Variants in NFIA observed in about 807,000 individuals in gnomAD.
NFIA encodes the protein nuclear factor 1 A-type.
NFIA carries 8 observed loss-of-function variants against 62.8 expected under a neutral mutation model. The observed-to-expected ratio is 0.13, with a 90% CI of 0.07 to 0.23. The LOEUF (loss-of-function observed/expected upper bound fraction) is 0.23. Ranked by LOEUF, NFIA falls within the 10% of genes least tolerant of loss-of-function variation. The pLI, the probability that NFIA is intolerant of heterozygous loss-of-function variation, is 1.00. For missense variants in NFIA, 410 were observed against 642.1 expected (o/e 0.64, Z 3.91); for synonymous variants, 235 against 238.1 (o/e 0.99, Z 0.12).
intron 3 of NFIA, among the ~76,000 whole-genome samples, chr1:61,290,013 C>CTTTT (rs34503737): frequency 1.4e-4 from 20 of 140,730 alleles, no homozygotes; most frequent in African/African-American, 4.4e-4. Context: ...TTTTAAGTTT[C>CTTTT]TTTTTTTTTT....
chr1:61,240,765 A>G (rs903356555), intron 2 of NFIA, among the ~76,000 whole-genome samples: 9 of 152,098 alleles, frequency 5.9e-5, no homozygotes, highest in African/African-American at 2.2e-4. Context: ...CCAGAGTCAC[A>G]CCAGTGCAAA....
chr1:61,157,921 T>C (rs886584788), intron 2 of NFIA, among the ~76,000 whole-genome samples: 36 of 152,224 alleles, frequency 2.4e-4, no homozygotes, highest in African/African-American at 6.5e-4. Flanking sequence ...CAACTTTGAA[T>C]TGCATTATGC....
intron 2 of NFIA, among the ~76,000 whole-genome samples, chr1:61,140,020 G>A (rs888601420): frequency 5.9e-5 from 9 of 151,930 alleles, no homozygotes; most frequent in Admixed American, 2.0e-4. Context: ...CACCAAACTC[G>A]AATGATACCC....
rs1668330368 is a variant in NFIA at position 61,456,840 on chromosome 1, C to T, written c.*1520C>T. ...AAAACAAAAAAAAAACACAAAAAAC[C>T]ACAGAAACAAAAACAAAAAAAAGTG... On this transcript the variant is annotated 3_prime_UTR_variant, in exon 11 of 11. Coordinates refer to ENST00000403491, the MANE Select transcript of NFIA (RefSeq NM_001134673.4). The T allele has an allele frequency of 1.3e-5, 2 of 149,248 alleles. No homozygotes were observed. Among genetic ancestry groups the T allele is most frequent in the African/African-American group, 5.0e-5 (2 of 40,402 alleles). The allele number at this position is 149,248 out of a possible 1,614,324, so 9.2% of individuals were successfully genotyped here.
At chr1:61,343,655 C>G (rs1570610625) in intron 4 of NFIA, among the ~76,000 whole-genome samples, 1 of 152,264 alleles carries the variant, frequency 6.6e-6, no homozygotes, top group Middle Eastern at 3.4e-3. Flanking sequence ...GAAAACCATA[C>G]TCTTAGCCTG....
chr1:61,326,960 T>C (rs1557708312), intron 3 of NFIA, among the ~76,000 whole-genome samples: 1 of 151,816 alleles, frequency 6.6e-6, no homozygotes, highest in Non-Finnish European at 1.5e-5. Flanking sequence ...TCCCATGCCA[T>C]GGAAAGGAGT....
chr1:61,356,236 C>T (rs759158317), intron 5 of NFIA, among the ~76,000 whole-genome samples: 31 of 152,186 alleles, frequency 2.0e-4, no homozygotes, highest in Non-Finnish European at 5.9e-5. Context: ...AGTATATAGT[C>T]ATTTTCCCTG....
chr1:61,394,038 G>A (rs192138357), intron 7 of NFIA, among the ~76,000 whole-genome samples: 19 of 152,264 alleles, frequency 1.2e-4, no homozygotes, highest in African/African-American at 4.6e-4. Flanking sequence ...AAATAACCCA[G>A]AGTCTAGCAT....
intron 4 of NFIA, among the ~76,000 whole-genome samples, chr1:61,336,670 A>G (rs1557715290): frequency 6.6e-6 from 1 of 152,110 alleles, no homozygotes; most frequent in African/African-American, 2.4e-5. Flanking sequence ...CCACCTATTC[A>G]TTACCTCCCA....
intron 1 of NFIA, among the ~76,000 whole-genome samples, chr1:61,087,891 AC>A (rs1405851944): frequency 6.6e-6 from 1 of 152,154 alleles, no homozygotes; most frequent in Admixed American, 6.5e-5. Context: ...TAGCTGGTGT[AC>A]CCTGGTGAAC....
intron 2 of NFIA, among the ~76,000 whole-genome samples, chr1:61,219,713 C>CAA (rs749092216): frequency 2.6e-4 from 28 of 107,810 alleles, no homozygotes; most frequent in African/African-American, 1.0e-3. Flanking sequence ...GACTCCGTCT[C>CAA]AAAAAAAAAA....
At chr1:61,298,488 A>G (rs1444515502) in intron 3 of NFIA, among the ~76,000 whole-genome samples, 1 of 152,210 alleles carries the variant, frequency 6.6e-6, no homozygotes, top group Non-Finnish European at 1.5e-5. Context: ...ACCTTTGGCC[A>G]TGGACTCACT....
intron 10 of NFIA, among the ~76,000 whole-genome samples, chr1:61,446,121 T>TA (rs1470624724): frequency 6.6e-6 from 1 of 152,162 alleles, no homozygotes; most frequent in East Asian, 1.9e-4. Flanking sequence ...GTAGTATCCT[T>TA]AGAGAGATCT....
intron 2 of NFIA, among the ~76,000 whole-genome samples, chr1:61,224,306 A>T (rs560973184): frequency 2.0e-5 from 3 of 152,174 alleles, no homozygotes; most frequent in Non-Finnish European, 4.4e-5. Flanking sequence ...CTTATGCTCC[A>T]TAGAAAAAAG....
intron 7 of NFIA, 35 bp from the exon 8 acceptor site, chr1:61,404,069 T>C: frequency 6.2e-7 from 1 of 1,608,386 alleles, no homozygotes; most frequent in African/African-American, 1.3e-5. Flanking sequence ...AGCAGGTCTT[T>C]CTTTTCATAA....
At chr1:61,162,888 A>G (rs1456609497) in intron 2 of NFIA, among the ~76,000 whole-genome samples, 1 of 151,400 alleles carries the variant, frequency 6.6e-6, no homozygotes, top group Non-Finnish European at 1.5e-5. Context: ...GTGAAAGTTT[A>G]TATAAAATAT....
intron 3 of NFIA, among the ~76,000 whole-genome samples, chr1:61,283,137 A>G (rs1369925185): frequency 1.3e-5 from 2 of 152,240 alleles, no homozygotes; most frequent in Non-Finnish European, 2.9e-5. Flanking sequence ...AAGAGGTATC[A>G]TTGTTAAATG....
intron 3 of NFIA, among the ~76,000 whole-genome samples, chr1:61,280,481 G>A (rs189012308): frequency 6.6e-5 from 10 of 152,188 alleles, no homozygotes; most frequent in Admixed American, 4.6e-4. Context: ...GTATGTATGC[G>A]AAAAAATAAT....
At chr1:61,112,708 C>A (rs1421611484) in intron 2 of NFIA, among the ~76,000 whole-genome samples, 2 of 152,154 alleles carry the variant, frequency 1.3e-5, no homozygotes, top group Non-Finnish European at 2.9e-5. Context: ...AAACTATCTT[C>A]TTTAAAACTC....
Sources: allele counts gnomAD v4.1 joint callset (sites outside exome capture counted in the v4.1 genomes callset), GRCh38; gene constraint gnomAD v4.1.1; transcripts MANE v1.5; gene names NCBI Gene and HGNC (gene_info 2026-07-23, HGNC 2026-07-21).